Variants in ERRFI1 observed in about 807,000 individuals in gnomAD.
ERRFI1 encodes ERBB receptor feedback inhibitor 1.
In ERRFI1, 12 loss-of-function variants were observed where a neutral mutation model predicts 14.6. The ratio of observed to expected loss-of-function variants is 0.82; its 90% confidence interval spans 0.53 to 1.33. The LOEUF (loss-of-function observed/expected upper bound fraction) is 1.33. Among genes scored for constraint, ERRFI1 ranks in the 40% most tolerant of loss-of-function variants. The pLI is 0.00. For missense variants in ERRFI1, 482 were observed against 572.1 expected, an observed-to-expected ratio of 0.84 and a Z score of 1.61; for synonymous variants, 202 against 209.9, an observed-to-expected ratio of 0.96 and a Z score of 0.32.
chr1:8,013,138 C>T lies in ERRFI1; in HGVS notation c.*72G>A, dbSNP rs1641110765. On this transcript the variant is annotated 3_prime_UTR_variant, in exon 4 of 4. Coordinates refer to ENST00000377482, the MANE Select transcript of ERRFI1 (RefSeq NM_018948.4). The surrounding 1 kb of genome is among the most constrained non-coding windows in gnomAD (Gnocchi z 4.3). ...TTGCAATCTAAGGGATTTTTCTCTG[C>T]ACTTCAATCAAACTGGAAAATTGAG... The T allele has an allele frequency of 9.9e-6, 13 of 1,310,828 alleles. No individual in the cohort carries two copies. Among genetic ancestry groups the T allele is most frequent in the African/African-American group, 3.0e-5 (2 of 67,436 alleles). The allele number at this position is 1,310,828 out of a possible 1,614,324, so 81.2% of individuals were successfully genotyped here.
rs748273007 is a variant in ERRFI1 at position 8,012,774 on chromosome 1, C to T, written c.*436G>A. On this transcript the variant is annotated 3_prime_UTR_variant, in exon 4 of 4. Coordinates refer to ENST00000377482, the MANE Select transcript of ERRFI1 (RefSeq NM_018948.4). Reference sequence around the variant, plus strand: ...TATTTTTTAATGATTCTGATCTAAACAATACTGTATCTTCTTCCATTTGCT... The same window carrying T: ...TATTTTTTAATGATTCTGATCTAAATAATACTGTATCTTCTTCCATTTGCT... The T allele has an allele frequency of 4.2e-6, 1 of 237,600 alleles. No individual in the cohort carries two copies. Among genetic ancestry groups the T allele is most frequent in the Non-Finnish European group, 8.3e-6 (1 of 120,296 alleles). The allele number at this position is 237,600 out of a possible 1,614,324, so 14.7% of individuals were successfully genotyped here.
chr1:8,019,893 C>G (rs1037926719), intron 1 of ERRFI1, among the ~76,000 whole-genome samples: 3 of 151,998 alleles, frequency 2.0e-5, no homozygotes, highest in Non-Finnish European at 2.9e-5. Context: ...TGGGGGGGTA[C>G]TTTCTTAAAA....
chr1:8,016,258 T>C (rs1173302860), intron 1 of ERRFI1, among the ~76,000 whole-genome samples: 1 of 152,198 alleles, frequency 6.6e-6, no homozygotes, highest in Non-Finnish European at 1.5e-5. Flanking sequence ...GGGTTGGCCA[T>C]GGGGAGACAA....
chr1:8,015,277 C>T, intron 3 of ERRFI1, 31 bp downstream of exon 3: 1 of 1,591,828 alleles, frequency 6.3e-7, no homozygotes, highest in Non-Finnish European at 8.6e-7. Flanking sequence ...TTCTCAAATG[C>T]TTACTGTGAT....
At chr1:8,019,649 G>A (rs1358696648) in intron 1 of ERRFI1, among the ~76,000 whole-genome samples, 2 of 152,150 alleles carry the variant, frequency 1.3e-5, no homozygotes, top group African/African-American at 4.8e-5. Context: ...TCAGTGAAGA[G>A]CTCAGGGGAG....
chr1:8,014,174 CA>C lies in ERRFI1; in HGVS notation c.424del (p.Cys142ValfsTer33). The C allele has an allele frequency of 6.2e-7, 1 of 1,613,996 alleles. No individual in the cohort carries two copies. The highest frequency in any genetic ancestry group is 8.5e-7 in the Non-Finnish European group (1 of 1,180,010). On this transcript the variant is annotated frameshift_variant, in exon 4 of 4. Transcript: ENST00000377482. LOFTEE classifies it low-confidence loss of function (END_TRUNC). ...AGAACCCCGTTCACAAAGAGGGGCACAGGGGAAAAGGGAAGGGGAGTTTTTT... is the reference window on the plus strand; with the variant it reads ...AGAACCCCGTTCACAAAGAGGGGCACGGGGAAAAGGGAAGGGGAGTTTTTT... ...PIKNSPSLFPCAPLCERGSRP... is the reference protein window; with the variant it reads ...PIKNSPSLFPXAPLCERGSRP...
At chr1:8,015,127 C>A in intron 3 of ERRFI1, 181 bp downstream of exon 3, 1 of 593,774 alleles carries the variant, frequency 1.7e-6, no homozygotes, top group East Asian at 2.8e-5. Flanking sequence ...TGAAGGCAGT[C>A]GAGTACAATA....
intron 1 of ERRFI1, among the ~76,000 whole-genome samples, chr1:8,017,140 G>GT (rs5772299): frequency 0.1 from 14,630 of 145,930 alleles, 1,909 homozygotes; most frequent in East Asian, 0.65. Flanking sequence ...AAGGCACAGG[G>GT]TTTTTTTTTT....
At chr1:8,015,437 T>C in intron 2 of ERRFI1, 53 bp from the exon 3 acceptor site, 1 of 1,614,102 alleles carries the variant, frequency 6.2e-7, no homozygotes, top group African/African-American at 1.3e-5. Flanking sequence ...TCACAGCCTC[T>C]CCCATTTTAG....
chr1:8,013,884 G>A lies in ERRFI1; in HGVS notation c.715C>T (p.Pro239Ser), dbSNP rs762311909. 1.9e-6 allele frequency: 3 copies of A among 1,614,130 alleles called. No homozygotes were observed. The South Asian group carries it at 3.3e-5, about 18-fold the overall frequency. The change falls in exon 4 of 4, where the codon CCA (proline) becomes TCA (serine). Residue 239 changes from proline (P) to serine (S), a missense_variant. Pro to Ser is a moderately conservative substitution (Grantham distance 74). Transcript: ENST00000377482. This position sits in a 1 kb window ranked among gnomAD's most constrained non-coding sequence, Gnocchi z 4.3. ...CTTAATCTTCGGTGGGTCTGAGGTG[G>A]AGGAGGATTTGGATCTGGGACACCT... ...NGGVPDPNPP[P>S]PQTHRRLRRS...
chr1:8,017,654 T>C (rs1641195768), intron 1 of ERRFI1, among the ~76,000 whole-genome samples: 2 of 152,198 alleles, frequency 1.3e-5, no homozygotes, highest in African/African-American at 4.8e-5. Flanking sequence ...AATATAAAAA[T>C]GAAAGGCAAG....
chr1:8,020,703 C>A (rs1411372507), intron 1 of ERRFI1, among the ~76,000 whole-genome samples: 1 of 152,014 alleles, frequency 6.6e-6, no homozygotes, highest in Non-Finnish European at 1.5e-5. Flanking sequence ...CACCAACTCG[C>A]CAGGCTAATT....
At chr1:8,025,268 T>C (rs408320) in intron 1 of ERRFI1, among the ~76,000 whole-genome samples, 100,611 of 152,138 alleles carry the variant, frequency 0.66, 34,507 homozygotes, top group African/African-American at 0.85. Flanking sequence ...TAGCAAGCAC[T>C]AATACAGCAC....
In ERRFI1 at chr1:8,012,900, G is replaced by T; in HGVS notation, c.*310C>A. ...ACTAATTGGTTAACCTGCAGCTATG[G>T]TCTATGGTTATACCACAAGTTTATA... is the stretch of plus-strand genomic sequence containing the variant. On this transcript the variant is annotated 3_prime_UTR_variant, in exon 4 of 4. Coordinates refer to ENST00000377482, the MANE Select transcript of ERRFI1 (RefSeq NM_018948.4). The T allele has an allele frequency of 2.9e-6, 1 of 346,882 alleles. No individual in the cohort carries two copies. Among genetic ancestry groups the T allele is most frequent in the Non-Finnish European group, 5.2e-6 (1 of 190,924 alleles). 21.5% of individuals were successfully genotyped at this position (346,882 alleles called of 1,614,324 possible). A position where few individuals can be genotyped will look rare whatever the true frequency, so the allele number is the denominator to read the frequency against.
In ERRFI1 at chr1:8,013,653, G is replaced by C. The variant is rs751971015; in HGVS notation, c.946C>G (p.Pro316Ala). Residue 316 changes from proline to alanine, a missense_variant, in exon 4 of 4, where the codon CCT becomes GCT. Transcript: ENST00000377482. This position sits in a 1 kb window ranked among gnomAD's most constrained non-coding sequence, Gnocchi z 4.3. ...GGTTCTCTTGGCGGTACTTTGGGAG[G>C]CCTGTCTTCATCACTATAGGTGCTC... ...TSSTYSDEDR[P>A]PKVPPREPLS... 6.2e-7 allele frequency: 1 copy of C among 1,614,100 alleles called. No individual in the cohort carries two copies. Among genetic ancestry groups the C allele is most frequent in the Admixed American group, 1.7e-5 (1 of 60,018 alleles).
intron 1 of ERRFI1, among the ~76,000 whole-genome samples, chr1:8,021,806 T>C (rs1641277347): frequency 6.6e-6 from 1 of 152,184 alleles, no homozygotes; most frequent in East Asian, 1.9e-4. Flanking sequence ...GTTAAAGAAC[T>C]TGCTCAAGGT....
Position 8,013,317 on chromosome 1 carries a change from C to G in ERRFI1, c.1282G>C (p.Ala428Pro), listed in dbSNP as rs753629862. The change falls in exon 4 of 4, where the codon GCT becomes CCT. Residue 428 changes from alanine (A) to proline (P), a missense_variant. Physicochemically the swap from Ala to Pro is conservative, Grantham distance 27. Transcript: ENST00000377482. The surrounding 1 kb of genome is among the most constrained non-coding windows in gnomAD (Gnocchi z 4.3). ...GTGGCTGAAGATATACCGCAGTCAG[C>G]AGGTAATGGCTGGATTTGGGCGCCT... ...NGGAQIQPLP[A>P]DCGISSATEK... The G allele has an allele frequency of 6.2e-7, 1 of 1,614,200 alleles. No individual in the cohort carries two copies. The highest frequency in any genetic ancestry group is 1.1e-5 in the South Asian group (1 of 91,078).
rs976127454 is a variant in ERRFI1 at position 8,011,857 on chromosome 1, T to C, written c.*1353A>G. 5 of 221,082 alleles carry C rather than the reference T, an allele frequency of 2.3e-5. No individual in the cohort carries two copies. The highest frequency in any genetic ancestry group is 1.1e-4 in the African/African-American group (5 of 44,736). The allele number at this position is 221,082 out of a possible 1,614,324, so 13.7% of individuals were successfully genotyped here. The stretch of plus-strand genomic sequence containing the variant: ...ATCAGTGCATTTTTCTTAAGCATGT[T>C]TTAACCTTCATTTAGTTCATACTAA... On this transcript the variant is annotated 3_prime_UTR_variant, in exon 4 of 4. Transcript: ENST00000377482.
rs146392352 is a variant in ERRFI1 at position 8,023,732 on chromosome 1, C to T, written c.-74+2426G>A. ...CCCCACCACCTTCTGAAATCTGAAC[C>T]CCCCTCAGTAACTTTTCCCTATCTT... On this transcript the variant is annotated intron_variant, in intron 1 of 3. Coordinates refer to ENST00000377482, the MANE Select transcript of ERRFI1 (RefSeq NM_018948.4). Among the ~76,000 whole-genome samples, 299 of 152,258 alleles carry T rather than the reference C, an allele frequency of 2.0e-3. 2 individuals are homozygous for T. Among genetic ancestry groups the T allele is most frequent in the African/African-American group, 6.7e-3 (277 of 41,534 alleles).
Sources: gnomAD v4.1 joint callset for allele counts (sites outside exome capture counted in the v4.1 genomes callset) on GRCh38, gnomAD v4.1.1 for gene constraint, Gnocchi (gnomAD v3.1) non-coding constraint, MANE v1.5 for transcripts, NCBI Gene and HGNC (gene_info 2026-07-23, HGNC 2026-07-21) for gene names.